TALDO1: variants seen among roughly 807,000 people sequenced by gnomAD.
TALDO1 encodes transaldolase 1, also known as transaldolase.
In TALDO1, 29 loss-of-function variants were observed where a neutral mutation model predicts 38.1. The observed-to-expected ratio is 0.76, with a 90% CI of 0.57 to 1.04. TALDO1 has a LOEUF of 1.04. TALDO1 is among the 50% of genes least tolerant of loss of function. The probability of loss-of-function intolerance (pLI) is 0.00; values close to 1 mark genes in which losing one functional copy is unlikely to be tolerated. For synonymous variants in TALDO1, 207 were observed against 176.8 expected (o/e 1.17, Z -1.36); for missense variants, 499 against 438.1 (o/e 1.14, Z -1.24).
chr11:764,400 C>T lies in TALDO1; in HGVS notation c.948C>T (p.Ala316=), dbSNP rs376498381. 1.7e-5 allele frequency: 27 copies of T among 1,612,044 alleles called. No homozygotes were observed. The highest frequency in any genetic ancestry group is 4.0e-5 in the African/African-American group (3 of 74,790). ...TCTCTGACGGGATCCGCAAGTTTGC[C>T]GCTGATGCAGTGAAGCTGGAGCGGA... ...EKLSDGIRKF[A]ADAVKLERML... The change falls in exon 7 of 8, where the codon GCC becomes GCT. Residue 316 remains alanine (A), a synonymous_variant. Coordinates refer to ENST00000319006, the MANE Select transcript of TALDO1 (RefSeq NM_006755.2).
chr11:758,208 G>A (rs866277425), intron 2 of TALDO1, among the ~76,000 whole-genome samples: 42 of 152,224 alleles, frequency 2.8e-4, no homozygotes, highest in African/African-American at 3.9e-4. Context: ...GGCGTGAACC[G>A]CGGGGGGCAG....
intron 6 of TALDO1, 153 bp from the exon 7 acceptor site, chr11:764,134 TG>T (rs1423939921): frequency 1.4e-6 from 2 of 1,454,888 alleles, no homozygotes; most frequent in East Asian, 2.3e-5. Context: ...CAAGGCTCTG[TG>T]GGCTGAACCC....
At chr11:757,902 C>G (rs1037451352) in intron 2 of TALDO1, among the ~76,000 whole-genome samples, 1 of 152,054 alleles carries the variant, frequency 6.6e-6, no homozygotes, top group African/African-American at 2.4e-5. Context: ...TTTGGTAGGC[C>G]AAGATGGGAG....
At chr11:764,529 G>A (rs1466178197) in intron 7 of TALDO1, 96 bp downstream of exon 7, 1 of 1,547,486 alleles carries the variant, frequency 6.5e-7, no homozygotes, top group Non-Finnish European at 8.8e-7. Context: ...AAACTTTGGT[G>A]AGACCCCAGG....
chr11:755,270 G>A (rs967215748), intron 1 of TALDO1, among the ~76,000 whole-genome samples: 38 of 150,050 alleles, frequency 2.5e-4, no homozygotes, highest in East Asian at 1.0e-3. Flanking sequence ...TCAGCCTCCC[G>A]AGTAGCTGGG....
In TALDO1 at chr11:764,269, G is replaced by A. The variant is rs751746043; in HGVS notation, c.836-19G>A. On this transcript the variant is annotated intron_variant, in intron 6 of 7. Coordinates refer to ENST00000319006, the MANE Select transcript of TALDO1 (RefSeq NM_006755.2). ...CAGGGACATGGAGCAGGCATGGAAG[G>A]CTGGTTCTTGTCCCCCAGCCCAAGC... The A allele has an allele frequency of 1.2e-6, 2 of 1,614,110 alleles. No homozygotes were observed. Among genetic ancestry groups the A allele is most frequent in the Non-Finnish European group, 1.7e-6 (2 of 1,180,028 alleles).
intron 1 of TALDO1, 22 bp downstream of exon 1, chr11:747,600 G>A: frequency 6.5e-7 from 1 of 1,548,418 alleles, no homozygotes; most frequent in Non-Finnish European, 8.7e-7. Context: ...GCGGAGCCCG[G>A]GCGCGGCGCA....
In TALDO1 at chr11:764,837, G is replaced by A. The variant is rs1362676827; in HGVS notation, c.1006G>A (p.Gly336Arg). 1 of 1,614,154 alleles carries A rather than the reference G, an allele frequency of 6.2e-7. No homozygotes were observed. The highest frequency in any genetic ancestry group is 8.5e-7 in the Non-Finnish European group (1 of 1,180,050). The change falls in exon 8 of 8, where the codon GGA (glycine) becomes AGA (arginine). Residue 336 changes from glycine (G) to arginine (R), a missense_variant. Coordinates refer to ENST00000319006, the MANE Select transcript of TALDO1 (RefSeq NM_006755.2). ...GGAACGAATGTTCAATGCAGAGAAT[G>A]GAAAGTAGCGCATCCCTGAGGCTGG... ...LTERMFNAEN[G>R]K
chr11:747,736 C>A (rs938351370), intron 1 of TALDO1, among the ~76,000 whole-genome samples, 158 bp downstream of exon 1: 1 of 152,160 alleles, frequency 6.6e-6, no homozygotes, highest in Admixed American at 6.5e-5. Context: ...ATGTTGGGGC[C>A]AGGGACAGCC....
In TALDO1 at chr11:755,733, G is replaced by C; in HGVS notation, c.98-146G>C. On this transcript the variant is annotated intron_variant, in intron 1 of 7. Coordinates refer to ENST00000319006, the MANE Select transcript of TALDO1 (RefSeq NM_006755.2). ...TTGATGAACCTTCAGTGACCCAGAA[G>C]AAGGTGTGAGAAGTGTGGCTGGACC... The C allele has an allele frequency of 8.0e-6, 9 of 1,130,836 alleles. No individual in the cohort carries two copies. In the South Asian group the frequency reaches 1.2e-4, roughly 15 times the overall value. 70.1% of individuals were successfully genotyped at this position (1,130,836 alleles called of 1,614,324 possible).
intron 1 of TALDO1, among the ~76,000 whole-genome samples, chr11:749,330 A>C (rs907721976): frequency 6.8e-6 from 1 of 146,810 alleles, no homozygotes; most frequent in Non-Finnish European, 1.5e-5. Flanking sequence ...TGAACCCAGA[A>C]GGCGGAGGTT....
At chr11:755,287 G>A (rs1386250750) in intron 1 of TALDO1, among the ~76,000 whole-genome samples, 1 of 151,998 alleles carries the variant, frequency 6.6e-6, no homozygotes, top group African/African-American at 2.4e-5. Context: ...TGGGACTACA[G>A]GTGCCGACCA....
chr11:763,637 G>A lies in TALDO1; in HGVS notation c.638-110G>A, dbSNP rs945490476. 709 of 1,565,662 alleles carry A rather than the reference G, an allele frequency of 4.5e-4. 5 individuals carry two copies. The highest frequency in any genetic ancestry group is 9.6e-5 in the Non-Finnish European group (109 of 1,137,286). ...GCAGTGAGGTGCACAGGTCGGCGCG[G>A]GGCAGGCAGGGGTGGCGGCTCAAGG... is the stretch of plus-strand genomic sequence containing the variant. On this transcript the variant is annotated intron_variant, in intron 5 of 7. Coordinates refer to ENST00000319006, the MANE Select transcript of TALDO1 (RefSeq NM_006755.2).
At chr11:752,813 T>G (rs1862770995) in intron 1 of TALDO1, among the ~76,000 whole-genome samples, 1 of 152,228 alleles carries the variant, frequency 6.6e-6, no homozygotes, top group Non-Finnish European at 1.5e-5. Flanking sequence ...CAAAGGTTAA[T>G]TCAAGTTGAC....
At chr11:756,562 C>A (rs1862842378) in intron 2 of TALDO1, among the ~76,000 whole-genome samples, 1 of 137,708 alleles carries the variant, frequency 7.3e-6, no homozygotes, top group African/African-American at 2.7e-5. Context: ...GTTGTCCAGG[C>A]TGGAGTGCAC....
At chr11:753,512 A>C (rs1038353153) in intron 1 of TALDO1, among the ~76,000 whole-genome samples, 4 of 151,610 alleles carry the variant, frequency 2.6e-5, no homozygotes, top group Non-Finnish European at 5.9e-5. Flanking sequence ...GCGTGGGTGA[A>C]AGAGCGAGAC....
In TALDO1 at chr11:763,332, C is replaced by T; in HGVS notation, c.462-12C>T. 1.9e-6 allele frequency: 3 copies of T among 1,580,704 alleles called. No homozygotes were observed. The highest frequency in any genetic ancestry group is 2.6e-6 in the Non-Finnish European group (3 of 1,162,304). Reference sequence around the variant, plus strand: ...CTCACCTGCCCCGCCCTCACCTGTCCCCGCCCCGCAGGGAGCTCGAGGAGC... The same window carrying T: ...CTCACCTGCCCCGCCCTCACCTGTCTCCGCCCCGCAGGGAGCTCGAGGAGC... On this transcript the variant is annotated splice_polypyrimidine_tract_variant and intron_variant, in intron 4 of 7. Transcript: ENST00000319006.
chr11:754,193 CAG>C (rs1590068380), intron 1 of TALDO1, among the ~76,000 whole-genome samples: 1 of 152,094 alleles, frequency 6.6e-6, no homozygotes, highest in East Asian at 2.0e-4. Context: ...CCGTGTTAGC[CAG>C]GCTGGTCTCG....
rs1402390716 is a variant in TALDO1 at position 755,905 on chromosome 11, G to A, written c.124G>A (p.Ala42Thr). 1.1e-5 allele frequency: 17 copies of A among 1,614,168 alleles called. No homozygotes were observed. Among genetic ancestry groups the A allele is most frequent in the Non-Finnish European group, 1.4e-5 (17 of 1,180,036 alleles). ...CATCGACGAGTACAAGCCCCAGGAT[G>A]CTACCACCAACCCGTCCCTGATCCT... ...HAIDEYKPQDATTNPSLILAA... is the reference protein window; with the variant it reads ...HAIDEYKPQDTTTNPSLILAA... The change falls in exon 2 of 8, where the codon GCT (alanine) becomes ACT (threonine). Residue 42 changes from alanine to threonine, a missense_variant. Coordinates refer to ENST00000319006, the MANE Select transcript of TALDO1 (RefSeq NM_006755.2).
Sources: gnomAD v4.1 joint callset for allele counts (sites outside exome capture counted in the v4.1 genomes callset) on GRCh38, gnomAD v4.1.1 for gene constraint, MANE v1.5 for transcripts, NCBI Gene and HGNC (gene_info 2026-07-23, HGNC 2026-07-21) for gene names.